DDT: variants seen among roughly 807,000 people sequenced by gnomAD.
The protein encoded by DDT is D-dopachrome tautomerase.
DDT carries 4 observed loss-of-function variants against 2.5 expected under a neutral mutation model. The ratio of observed to expected loss-of-function variants is 1.59; its 90% CI spans 0.78 to 3.63. The LOEUF is 3.63. Among genes scored for constraint, DDT ranks in the 30% most tolerant of loss-of-function variants. The pLI, the probability that DDT is intolerant of heterozygous loss-of-function variation, is 0.01. For synonymous variants in DDT, 11 were observed against 10.0 expected (o/e 1.10, Z -0.19); for missense variants, 32 against 30.0 (o/e 1.07, Z -0.15).
In DDT at chr22:23,971,476, G is replaced by A; in HGVS notation, c.*75C>T. 2 of 1,608,164 alleles carry A rather than the reference G, an allele frequency of 1.2e-6. No individual in the cohort carries two copies. The highest frequency in any genetic ancestry group is 1.7e-6 in the Non-Finnish European group (2 of 1,176,052). Reference sequence around the variant, plus strand: ...GATAATCCAAAGCTGGTTATCTCCAGGCCCTCACTCTGCCAAGAGATCTCT... The same window carrying A: ...GATAATCCAAAGCTGGTTATCTCCAAGCCCTCACTCTGCCAAGAGATCTCT... On this transcript the variant is annotated 3_prime_UTR_variant, in exon 3 of 3. Coordinates refer to ENST00000398344, the MANE Select transcript of DDT (RefSeq NM_001084392.3).
At chr22:23,972,230 G>A (rs375953203) in intron 2 of DDT, 2 of 952,692 alleles carry the variant, frequency 2.1e-6, no homozygotes, top group East Asian at 1.2e-4. Flanking sequence ...GATAGGGATT[G>A]TAAGGATCAA....
chr22:23,972,336 G>C, intron 2 of DDT: 2 of 560,214 alleles, frequency 3.6e-6, no homozygotes, highest in Non-Finnish European at 4.5e-6. Context: ...GAGTATCCGT[G>C]GGAGATTTGT....
intron 2 of DDT, 96 bp from the exon 3 acceptor site, chr22:23,971,719 C>G (rs1601559259): frequency 9.2e-7 from 1 of 1,083,992 alleles, no homozygotes; most frequent in Non-Finnish European, 1.3e-6. Context: ...GTACTCAGGA[C>G]AGCCTGCCTC....
chr22:23,971,449 G>A lies in DDT; in HGVS notation c.*102C>T, dbSNP rs374341723. Reference sequence around the variant, plus strand: ...ATGTGATCACAGGAATGTTGCATGCGGGATAATCCAAAGCTGGTTATCTCC... The same window carrying A: ...ATGTGATCACAGGAATGTTGCATGCAGGATAATCCAAAGCTGGTTATCTCC... On this transcript the variant is annotated 3_prime_UTR_variant, in exon 3 of 3. Coordinates refer to ENST00000398344, the MANE Select transcript of DDT (RefSeq NM_001084392.3). The A allele has an allele frequency of 3.6e-4, 573 of 1,607,718 alleles. 1 individual carries two copies. Among genetic ancestry groups the A allele is most frequent in the Non-Finnish European group, 4.3e-4 (501 of 1,175,972 alleles).
chr22:23,971,664 T>A, intron 2 of DDT, 41 bp from the exon 3 acceptor site: 2 of 1,577,900 alleles, frequency 1.3e-6, no homozygotes, highest in Non-Finnish European at 8.7e-7. Context: ...GCTCCTTGGC[T>A]AATACCACAT....
In DDT at chr22:23,971,479, C is replaced by T; in HGVS notation, c.*72G>A. On this transcript the variant is annotated 3_prime_UTR_variant, in exon 3 of 3. Transcript: ENST00000398344. ...AATCCAAAGCTGGTTATCTCCAGGC[C>T]CTCACTCTGCCAAGAGATCTCTCTG... 6.2e-7 allele frequency: 1 copy of T among 1,607,728 alleles called. No homozygotes were observed. The highest frequency in any genetic ancestry group is 1.1e-5 in the South Asian group (1 of 90,522).
intron 2 of DDT, chr22:23,972,434 T>A (rs990993188): frequency 2.1e-5 from 3 of 143,078 alleles, no homozygotes; most frequent in African/African-American, 7.8e-5. Flanking sequence ...CCTACACACA[T>A]CCTCTCATAT....
In DDT at chr22:23,971,509, A is replaced by C. The variant is rs770050278; in HGVS notation, c.*42T>G. On this transcript the variant is annotated 3_prime_UTR_variant, in exon 3 of 3. Coordinates refer to ENST00000398344, the MANE Select transcript of DDT (RefSeq NM_001084392.3). ...CTCTGCCAAGAGATCTCTCTGGAAG[A>C]AGCAGCCAGTTCACAGATGCCCTGG... 5.8e-5 allele frequency: 93 copies of C among 1,611,690 alleles called. No homozygotes were observed. The highest frequency in any genetic ancestry group is 6.6e-5 in the Non-Finnish European group (78 of 1,178,492).
intron 2 of DDT, 140 bp from the exon 3 acceptor site, chr22:23,971,763 CAAT>C (rs1038236813): frequency 2.1e-5 from 15 of 728,820 alleles, no homozygotes; most frequent in Admixed American, 5.7e-5. Flanking sequence ...CTGCTCATCC[CAAT>C]AATGATTTTC....
rs117757735 is a variant in DDT, at chr22:23,971,920, T to C, written c.285-297A>G. ...CTCCATCAGTTTGTGTACTGAGGGG[T>C]ACCCTGCCTCCTAATTGCAGGCTCC... On this transcript the variant is annotated intron_variant, in intron 2 of 2. Coordinates refer to ENST00000398344, the MANE Select transcript of DDT (RefSeq NM_001084392.3). 4.5e-3 allele frequency: 1,350 copies of C among 302,582 alleles called. 31 individuals are homozygous for C. The highest frequency in any genetic ancestry group is 0.042 in the East Asian group (618 of 14,580). The allele number at this position is 302,582 out of a possible 1,614,324, so 18.7% of individuals were successfully genotyped here.
rs1440173595 is a variant in DDT at position 23,971,651 on chromosome 22, T to C, written c.285-28A>G. 7 of 1,594,396 alleles carry C rather than the reference T, an allele frequency of 4.4e-6. No individual in the cohort carries two copies. In the South Asian group the frequency reaches 5.5e-5, roughly 13 times the overall value. On this transcript the variant is annotated intron_variant, in intron 2 of 2. Coordinates refer to ENST00000398344, the MANE Select transcript of DDT (RefSeq NM_001084392.3). ...TCAGGAGACAGAGAAAAAGATATCA[T>C]CAGCTCCTTGGCTAATACCACATCT...
chr22:23,971,621 A>G lies in DDT; in HGVS notation c.287T>C (p.Ile96Thr). The G allele has an allele frequency of 6.2e-7, 1 of 1,614,012 alleles. No individual in the cohort carries two copies. Among genetic ancestry groups the G allele is most frequent in the Non-Finnish European group, 8.5e-7 (1 of 1,179,916 alleles). The change falls in exon 3 of 3, where the codon ATA becomes ACA. Residue 96 changes from isoleucine to threonine, a missense_variant and splice_region_variant. Coordinates refer to ENST00000398344, the MANE Select transcript of DDT (RefSeq NM_001084392.3). The part of the protein sequence containing the change: ...TKELALGQDR[I>T]LIRFFPLESW... ...CTCCAAGGGGAAAAAGCGGATAAGT[A>G]TCCTTCAGGAGACAGAGAAAAAGAT...
Position 23,971,634 on chromosome 22 carries a change from CAGAG to C in DDT, c.285-15_285-12del, listed in dbSNP as rs772236874. 3.7e-6 allele frequency: 6 copies of C among 1,601,784 alleles called. No individual in the cohort carries two copies. The South Asian group carries it at 6.6e-5, about 18-fold the overall frequency. On this transcript the variant is annotated splice_polypyrimidine_tract_variant and intron_variant, in intron 2 of 2. Transcript: ENST00000398344. ...AAGCGGATAAGTATCCTTCAGGAGA[CAGAG>C]AAAAAGATATCATCAGCTCCTTGGC...
intron 2 of DDT, chr22:23,973,136 G>A: frequency 3.0e-4 from 4 of 13,122 alleles, no homozygotes; most frequent in South Asian, 1.8e-3. Flanking sequence ...GTCACAGAAC[G>A]CCAGGTTTGG....
intron 2 of DDT, chr22:23,972,113 G>A: frequency 1.0e-6 from 1 of 953,536 alleles, no homozygotes; most frequent in Non-Finnish European, 1.2e-6. Context: ...CAGCCTGGTT[G>A]GGGCGGGCGG....
At position 23,971,540 on chromosome 22, in the gene DDT, T is replaced by C; in HGVS notation, c.*11A>G. 3.1e-6 allele frequency: 5 copies of C among 1,613,976 alleles called. No homozygotes were observed. Among genetic ancestry groups the C allele is most frequent in the Non-Finnish European group, 4.2e-6 (5 of 1,179,922 alleles). On this transcript the variant is annotated 3_prime_UTR_variant, in exon 3 of 3. Transcript: ENST00000398344. Reference sequence around the variant, plus strand: ...CCAGTTCACAGATGCCCTGGATCCCTCCGTGCCCAATCATAAAAAAGTCAT... The same window carrying C: ...CCAGTTCACAGATGCCCTGGATCCCCCCGTGCCCAATCATAAAAAAGTCAT...
rs757957648 is a variant in DDT, at chr22:23,971,528, G to T, written c.*23C>A. 1.9e-6 allele frequency: 3 copies of T among 1,613,194 alleles called. No individual in the cohort carries two copies. Among genetic ancestry groups the T allele is most frequent in the Non-Finnish European group, 2.5e-6 (3 of 1,179,514 alleles). ...TGGAAGAAGCAGCCAGTTCACAGAT[G>T]CCCTGGATCCCTCCGTGCCCAATCA... On this transcript the variant is annotated 3_prime_UTR_variant, in exon 3 of 3. Coordinates refer to ENST00000398344, the MANE Select transcript of DDT (RefSeq NM_001084392.3).
rs62232121 is a variant in DDT, at chr22:23,971,640, A to C, written c.285-17T>G. 13 of 1,598,994 alleles carry C rather than the reference A, an allele frequency of 8.1e-6. No individual in the cohort carries two copies. The highest frequency in any genetic ancestry group is 1.1e-5 in the Non-Finnish European group (13 of 1,167,456). On this transcript the variant is annotated splice_polypyrimidine_tract_variant and intron_variant, in intron 2 of 2. Coordinates refer to ENST00000398344, the MANE Select transcript of DDT (RefSeq NM_001084392.3). ...ATAAGTATCCTTCAGGAGACAGAGAAAAAGATATCATCAGCTCCTTGGCTA... is the reference window on the plus strand; with the variant it reads ...ATAAGTATCCTTCAGGAGACAGAGACAAAGATATCATCAGCTCCTTGGCTA...
At chr22:23,971,727 C>T (rs1283896244) in intron 2 of DDT, 104 bp from the exon 3 acceptor site, 11 of 1,030,942 alleles carry the variant, frequency 1.1e-5, no homozygotes, top group South Asian at 3.1e-5. Context: ...GACAGCCTGC[C>T]TCAGTCCACC....
Sources: allele counts gnomAD v4.1 joint callset, GRCh38; gene constraint gnomAD v4.1.1; transcripts MANE v1.5; gene names NCBI Gene and HGNC (gene_info 2026-07-23, HGNC 2026-07-21).